Variants in GSX1 observed in about 807,000 individuals in gnomAD.
GSX1 encodes GS homeo box protein 1.
Under a neutral mutation model 17.7 loss-of-function variants are expected in GSX1, and 13 were observed. That is an observed-to-expected ratio of 0.74 (90% CI 0.48 to 1.17). GSX1 has a LOEUF of 1.17. Ranked by LOEUF, GSX1 falls within the 50% of genes most tolerant of loss-of-function variation. The pLI, the probability that GSX1 is intolerant of heterozygous loss-of-function variation, is 0.00. For synonymous variants in GSX1, 202 were observed against 176.2 expected (o/e 1.15, Z -1.16); for missense variants, 371 against 372.1 (o/e 1.00, Z 0.02).
rs1957072013 is a variant in GSX1 at position 27,792,525 on chromosome 13, C to T, written c.-166C>T. On this transcript the variant is annotated 5_prime_UTR_variant, in exon 1 of 2. Transcript: ENST00000302945. ...GCACCCCGCGCTCTTTGGGCGGTGC[C>T]CACGGCAGCAGAGGCTACTGTTTCA... 1.7e-6 allele frequency: 1 copy of T among 597,628 alleles called. No individual in the cohort carries two copies. The highest frequency in any genetic ancestry group is 2.6e-6 in the Non-Finnish European group (1 of 388,658). 37.0% of individuals were successfully genotyped at this position (597,628 alleles called of 1,614,324 possible).
rs1036109367 is a variant in GSX1, at chr13:27,794,166, A to G, written c.*218A>G. Reference sequence around the variant, plus strand: ...CAGGGCTCGCTCGTGTCCAAAGCCAACTCCAAGCTGTGAACACTGTAAGCG... The same window carrying G: ...CAGGGCTCGCTCGTGTCCAAAGCCAGCTCCAAGCTGTGAACACTGTAAGCG... On this transcript the variant is annotated 3_prime_UTR_variant, in exon 2 of 2. Coordinates refer to ENST00000302945, the MANE Select transcript of GSX1 (RefSeq NM_145657.3). 1.1e-5 allele frequency: 6 copies of G among 556,786 alleles called. No individual in the cohort carries two copies. Among genetic ancestry groups the G allele is most frequent in the African/African-American group, 9.5e-5 (5 of 52,876 alleles). The allele number at this position is 556,786 out of a possible 1,614,324, so 34.5% of individuals were successfully genotyped here.
Position 27,793,317 on chromosome 13 carries a change from CG to C in GSX1, c.412+219del, listed in dbSNP as rs931033116. Among the ~76,000 whole-genome samples, 3 of 151,890 alleles carry C rather than the reference CG, an allele frequency of 2.0e-5. No individual in the cohort carries two copies. Among genetic ancestry groups the C allele is most frequent in the African/African-American group, 7.3e-5 (3 of 41,318 alleles). Reference sequence around the variant, plus strand: ...GACGTCCAGGTCCTGGAGTGTGGGCCGGGGTAAGTGAGGGCTGGGATCCAAG... The same window carrying C: ...GACGTCCAGGTCCTGGAGTGTGGGCCGGGTAAGTGAGGGCTGGGATCCAAG... On this transcript the variant is annotated intron_variant, in intron 1 of 1. Coordinates refer to ENST00000302945, the MANE Select transcript of GSX1 (RefSeq NM_145657.3). This position sits in a 1 kb window ranked among gnomAD's most constrained non-coding sequence, Gnocchi z 6.2.
chr13:27,793,197 G>A lies in GSX1; in HGVS notation c.412+95G>A, dbSNP rs1019132388. The A allele has an allele frequency of 8.4e-6, 11 of 1,312,760 alleles. No individual in the cohort carries two copies. Among genetic ancestry groups the A allele is most frequent in the Non-Finnish European group, 1.0e-5 (10 of 992,634 alleles). 81.3% of individuals were successfully genotyped at this position (1,312,760 alleles called of 1,614,324 possible). A position where few individuals can be genotyped will look rare whatever the true frequency, so the allele number is the denominator to read the frequency against. On this transcript the variant is annotated intron_variant, in intron 1 of 1. Transcript: ENST00000302945. This position sits in a 1 kb window ranked among gnomAD's most constrained non-coding sequence, Gnocchi z 6.2. ...AGGAAGAGGGACCCTGGGCTTTCTG[G>A]GGGCGGTGAGGGTCATGTCGGGGAC...
chr13:27,792,839 G>T lies in GSX1; in HGVS notation c.149G>T (p.Arg50Leu). 1 of 1,508,464 alleles carries T rather than the reference G, an allele frequency of 6.6e-7. No individual in the cohort carries two copies. The highest frequency in any genetic ancestry group is 8.8e-7 in the Non-Finnish European group (1 of 1,136,002). 93.4% of individuals were successfully genotyped at this position (1,508,464 alleles called of 1,614,324 possible). The change falls in exon 1 of 2, where the codon CGC (arginine) becomes CTC (leucine). Residue 50 changes from arginine (R) to leucine (L), a missense_variant. By Grantham distance (102) the Arg-to-Leu change is moderately radical. Transcript: ENST00000302945. Reference sequence around the variant, plus strand: ...CTCTCGCCTGGCGCCTGCCACGCGCGCAAGGCTGGGCTGCTGTGCGTGTGC... The same window carrying T: ...CTCTCGCCTGGCGCCTGCCACGCGCTCAAGGCTGGGCTGCTGTGCGTGTGC... ...HGLSPGACHA[R>L]KAGLLCVCPL...
chr13:27,793,497 C>G lies in GSX1; in HGVS notation c.413-69C>G, dbSNP rs944356399. On this transcript the variant is annotated intron_variant, in intron 1 of 1. Transcript: ENST00000302945. This position sits in a 1 kb window ranked among gnomAD's most constrained non-coding sequence, Gnocchi z 6.2. ...GTCAAAGTCGTAGGATTCTGGCGAC[C>G]GCCTACCAAGGGATTGGGTCCACAG... 6.7e-7 allele frequency: 1 copy of G among 1,485,300 alleles called. No individual in the cohort carries two copies. Among genetic ancestry groups the G allele is most frequent in the Non-Finnish European group, 9.0e-7 (1 of 1,105,674 alleles). 92.0% of individuals were successfully genotyped at this position (1,485,300 alleles called of 1,614,324 possible). A position where few individuals can be genotyped will look rare whatever the true frequency, so the allele number is the denominator to read the frequency against.
chr13:27,792,818 C>A lies in GSX1; in HGVS notation c.128C>A (p.Ser43Ter). 6.6e-7 allele frequency: 1 copy of A among 1,507,736 alleles called. No individual in the cohort carries two copies. Among genetic ancestry groups the A allele is most frequent in the Non-Finnish European group, 8.8e-7 (1 of 1,135,930 alleles). 93.4% of individuals were successfully genotyped at this position (1,507,736 alleles called of 1,614,324 possible). A position where few individuals can be genotyped will look rare whatever the true frequency, so the allele number is the denominator to read the frequency against. ...VPPPHALHGL[S>*]PGACHARKAG... ...CCGCCGCACGCGCTGCACGGTCTCT[C>A]GCCTGGCGCCTGCCACGCGCGCAAG... is the stretch of plus-strand genomic sequence containing the variant. The change falls in exon 1 of 2, where the codon TCG (serine) becomes TAG (stop). Residue 43 changes from serine (S) to a stop codon, truncating the protein, a stop_gained. Coordinates refer to ENST00000302945, the MANE Select transcript of GSX1 (RefSeq NM_145657.3). LOFTEE classifies it high-confidence loss of function.
At position 27,793,050 on chromosome 13, in the gene GSX1, C is replaced by T. The variant is rs1364560581; in HGVS notation, c.360C>T (p.Tyr120=). 4 of 1,586,756 alleles carry T rather than the reference C, an allele frequency of 2.5e-6. No homozygotes were observed. The highest frequency in any genetic ancestry group is 3.3e-4 in the Middle Eastern group (2 of 6,008). Residue 120 remains tyrosine (Y), a synonymous_variant, in exon 1 of 2, where the codon TAC becomes TAT. Transcript: ENST00000302945. This position sits in a 1 kb window ranked among gnomAD's most constrained non-coding sequence, Gnocchi z 6.2. ...CCGCTGCTGCTGCCGCCGCGCTCTA[C>T]CAGACCTCCTACCCGCTGCCTGACC... The part of the protein sequence containing the change: ...PAAAAAAAAL[Y]QTSYPLPDPR...
Position 27,793,964 on chromosome 13 carries a change from G to C in GSX1, c.*16G>C. On this transcript the variant is annotated 3_prime_UTR_variant, in exon 2 of 2. Coordinates refer to ENST00000302945, the MANE Select transcript of GSX1 (RefSeq NM_145657.3). The surrounding 1 kb of genome is among the most constrained non-coding windows in gnomAD (Gnocchi z 6.2). ...CACTCCCTAGGCGCGTGTCTCCCTA[G>C]GTCGCCCACCCCAAGACCTCCCTGC... The C allele has an allele frequency of 1.3e-6, 2 of 1,531,272 alleles. No individual in the cohort carries two copies. The highest frequency in any genetic ancestry group is 1.8e-6 in the Non-Finnish European group (2 of 1,139,602). The allele number at this position is 1,531,272 out of a possible 1,614,324, so 94.9% of individuals were successfully genotyped here. A position where few individuals can be genotyped will look rare whatever the true frequency, so the allele number is the denominator to read the frequency against.
rs752626603 is a variant in GSX1, at chr13:27,793,892, C to G, written c.739C>G (p.Pro247Ala). 6.3e-7 allele frequency: 1 copy of G among 1,585,254 alleles called. No individual in the cohort carries two copies. Among genetic ancestry groups the G allele is most frequent in the Non-Finnish European group, 8.6e-7 (1 of 1,163,996 alleles). The part of the protein sequence containing the change: ...AKCSEDDDEL[P>A]MSPSSSGKDD... ...GTGCTCCGAGGATGACGACGAATTG[C>G]CCATGTCTCCGTCCTCCTCAGGGAA... The change falls in exon 2 of 2, where the codon CCC becomes GCC. Residue 247 changes from proline (P) to alanine (A), a missense_variant. This residue lies in a region of GSX1 where 92 missense variants were observed against 70.0 expected (regional missense o/e 1.31). Coordinates refer to ENST00000302945, the MANE Select transcript of GSX1 (RefSeq NM_145657.3). This position sits in a 1 kb window ranked among gnomAD's most constrained non-coding sequence, Gnocchi z 6.2.
Position 27,792,706 on chromosome 13 carries a change from C to A in GSX1, c.16C>A (p.Leu6Met), listed in dbSNP as rs920779451. 1.2e-5 allele frequency: 17 copies of A among 1,441,606 alleles called. No individual in the cohort carries two copies. The highest frequency in any genetic ancestry group is 1.4e-5 in the Non-Finnish European group (16 of 1,106,530). 89.3% of individuals were successfully genotyped at this position (1,441,606 alleles called of 1,614,324 possible). ...CGCCGGGGCCATGCCGCGCTCCTTC[C>A]TGGTGGACTCGCTAGTGCTGCGCGA... MPRSF[L>M]VDSLVLREAG... The change falls in exon 1 of 2, where the codon CTG (leucine) becomes ATG (methionine). Residue 6 changes from leucine to methionine, a missense_variant. Transcript: ENST00000302945.
rs1179667260 is a variant in GSX1, at chr13:27,794,601, C to T, written c.*653C>T. On this transcript the variant is annotated 3_prime_UTR_variant, in exon 2 of 2. Coordinates refer to ENST00000302945, the MANE Select transcript of GSX1 (RefSeq NM_145657.3). ...CCTCTCACAGATGATAAATTTCGCC[C>T]GTAGTATCCATATTGGGGAAACAGA... The T allele has an allele frequency of 1.3e-5, 2 of 151,880 alleles. No homozygotes were observed. Among genetic ancestry groups the T allele is most frequent in the African/African-American group, 4.8e-5 (2 of 41,332 alleles). The allele number at this position is 151,880 out of a possible 1,614,324, so 9.4% of individuals were successfully genotyped here. A position where few individuals can be genotyped will look rare whatever the true frequency, so the allele number is the denominator to read the frequency against.
rs1296046076 is a variant in GSX1 at position 27,793,690 on chromosome 13, G to A, written c.537G>A (p.Glu179=). 6.2e-7 allele frequency: 1 copy of A among 1,614,242 alleles called. No homozygotes were observed. The change falls in exon 2 of 2, where the codon GAG becomes GAA. Residue 179 remains glutamate (E), a synonymous_variant. Coordinates refer to ENST00000302945, the MANE Select transcript of GSX1 (RefSeq NM_145657.3). This position sits in a 1 kb window ranked among gnomAD's most constrained non-coding sequence, Gnocchi z 6.2. ...NMYLSRLRRI[E]IATYLNLSEK... The stretch of plus-strand genomic sequence containing the variant: ...ACCTGTCCCGCCTACGTCGCATCGA[G>A]ATCGCGACCTACCTGAATCTGTCCG...
Position 27,794,007 on chromosome 13 carries a change from T to C in GSX1, c.*59T>C. The stretch of plus-strand genomic sequence containing the variant: ...CTCCCTGCGCCTCGGAGACTAGTCC[T>C]GGGACTCAGCGCTGATTCCCAGGCA... On this transcript the variant is annotated 3_prime_UTR_variant, in exon 2 of 2. Transcript: ENST00000302945. The C allele has an allele frequency of 6.7e-7, 1 of 1,499,642 alleles. No individual in the cohort carries two copies. The highest frequency in any genetic ancestry group is 1.3e-5 in the South Asian group (1 of 74,472). The allele number at this position is 1,499,642 out of a possible 1,614,324, so 92.9% of individuals were successfully genotyped here.
rs770298297 is a variant in GSX1 at position 27,793,802 on chromosome 13, G to T, written c.649G>T (p.Gly217Trp). The T allele has an allele frequency of 6.2e-7, 1 of 1,613,768 alleles. No individual in the cohort carries two copies. Among genetic ancestry groups the T allele is most frequent in the Middle Eastern group, 1.7e-4 (1 of 6,060 alleles). ...CAGCAACCATCGTGGCGGCGGCGGC[G>T]GGGGTGCCGGTGGTGGCGGGAGCGC... ...KGSNHRGGGG[G>W]GAGGGGSAPQ... is the part of the protein sequence containing the mutation. Residue 217 changes from glycine to tryptophan, a missense_variant, in exon 2 of 2, where the codon GGG (glycine) becomes TGG (tryptophan). Around this residue, in one of 3 missense-constraint regions of GSX1, gnomAD observed 92 missense variants for 70.0 expected, o/e 1.31. Transcript: ENST00000302945. The surrounding 1 kb of genome is among the most constrained non-coding windows in gnomAD (Gnocchi z 6.2).
At position 27,792,749 on chromosome 13, in the gene GSX1, C is replaced by T. The variant is rs1316244424; in HGVS notation, c.59C>T (p.Ala20Val). The T allele has an allele frequency of 2.0e-6, 3 of 1,483,834 alleles. No individual in the cohort carries two copies. The highest frequency in any genetic ancestry group is 1.3e-5 in the South Asian group (1 of 77,726). 91.9% of individuals were successfully genotyped at this position (1,483,834 alleles called of 1,614,324 possible). A position where few individuals can be genotyped will look rare whatever the true frequency, so the allele number is the denominator to read the frequency against. The change falls in exon 1 of 2, where the codon GCG (alanine) becomes GTG (valine). Residue 20 changes from alanine to valine, a missense_variant. Transcript: ENST00000302945. ...LVLREAGEKK[A>V]PEGSPPPLFP... Reference sequence around the variant, plus strand: ...CTGCGCGAGGCGGGCGAGAAGAAGGCGCCCGAGGGCAGCCCGCCGCCGCTC... The same window carrying T: ...CTGCGCGAGGCGGGCGAGAAGAAGGTGCCCGAGGGCAGCCCGCCGCCGCTC...
Position 27,792,575 on chromosome 13 carries a change from G to T in GSX1, c.-116G>T. The T allele has an allele frequency of 1.1e-6, 1 of 905,742 alleles. No homozygotes were observed. Among genetic ancestry groups the T allele is most frequent in the Non-Finnish European group, 1.5e-6 (1 of 662,924 alleles). The allele number at this position is 905,742 out of a possible 1,614,324, so 56.1% of individuals were successfully genotyped here. A position where few individuals can be genotyped will look rare whatever the true frequency, so the allele number is the denominator to read the frequency against. The stretch of plus-strand genomic sequence containing the variant: ...AGCCTAGGTCTCAGCCGCGCGTTCA[G>T]CCTCCTGGGCAGAGGCAGCTGCGGG... On this transcript the variant is annotated 5_prime_UTR_variant, in exon 1 of 2. Transcript: ENST00000302945.
rs1297860541 is a variant in GSX1, at chr13:27,794,019, C to G, written c.*71C>G. On this transcript the variant is annotated 3_prime_UTR_variant, in exon 2 of 2. Coordinates refer to ENST00000302945, the MANE Select transcript of GSX1 (RefSeq NM_145657.3). ...CGGAGACTAGTCCTGGGACTCAGCG[C>G]TGATTCCCAGGCACCCGCAGCCAAA... 9 of 1,477,618 alleles carry G rather than the reference C, an allele frequency of 6.1e-6. No individual in the cohort carries two copies. Among genetic ancestry groups the G allele is most frequent in the Non-Finnish European group, 8.1e-6 (9 of 1,108,410 alleles). 91.5% of individuals were successfully genotyped at this position (1,477,618 alleles called of 1,614,324 possible). A position where few individuals can be genotyped will look rare whatever the true frequency, so the allele number is the denominator to read the frequency against.
Position 27,792,866 on chromosome 13 carries a change from C to A in GSX1, c.176C>A (p.Pro59Gln), listed in dbSNP as rs1268421435. Residue 59 changes from proline to glutamine, a missense_variant, in exon 1 of 2, where the codon CCG becomes CAG. Pro to Gln is a moderately conservative substitution (Grantham distance 76). Around this residue, in one of 3 missense-constraint regions of GSX1, gnomAD observed 212 missense variants for 193.9 expected, o/e 1.09. Transcript: ENST00000302945. ...AAGGCTGGGCTGCTGTGCGTGTGCC[C>A]GCTCTGCGTCACCGCCTCGCAGCTG... ...ARKAGLLCVC[P>Q]LCVTASQLHG... 2.0e-5 allele frequency: 31 copies of A among 1,520,992 alleles called. No homozygotes were observed. Among genetic ancestry groups the A allele is most frequent in the Non-Finnish European group, 2.5e-5 (29 of 1,140,620 alleles). The allele number at this position is 1,520,992 out of a possible 1,614,324, so 94.2% of individuals were successfully genotyped here.
chr13:27,793,953 G>C lies in GSX1; in HGVS notation c.*5G>C. The C allele has an allele frequency of 1.3e-6, 2 of 1,543,770 alleles. No homozygotes were observed. The highest frequency in any genetic ancestry group is 1.7e-6 in the Non-Finnish European group (2 of 1,143,918). ...GATCTTACGGTCACTCCCTAGGCGC[G>C]TGTCTCCCTAGGTCGCCCACCCCAA... On this transcript the variant is annotated 3_prime_UTR_variant, in exon 2 of 2. Transcript: ENST00000302945. This position sits in a 1 kb window ranked among gnomAD's most constrained non-coding sequence, Gnocchi z 6.2.
Sources: gnomAD v4.1 joint callset for allele counts (sites outside exome capture counted in the v4.1 genomes callset) on GRCh38, gnomAD v4.1.1 for gene constraint, gnomAD v4.1.1 regional missense constraint, Gnocchi (gnomAD v3.1) non-coding constraint, MANE v1.5 for transcripts, NCBI Gene and HGNC (gene_info 2026-07-23, HGNC 2026-07-21) for gene names.